The following GRID2 variants were observed in gnomAD, a reference collection of about 807,000 sequenced individuals.
GRID2 encodes the protein glutamate receptor ionotropic, delta-2.
GRID2 carries 33 observed loss-of-function variants against 114.8 expected under a neutral mutation model. That is an observed-to-expected ratio of 0.29 (90% CI 0.22 to 0.38). The LOEUF (loss-of-function observed/expected upper bound fraction) is 0.38, where lower values mean the gene tolerates loss of function less well. Ranked by LOEUF, GRID2 falls within the 10% of genes least tolerant of loss-of-function variation. GRID2 has a pLI of 1.00. For synonymous variants in GRID2, 505 were observed against 449.9 expected (o/e 1.12, Z -1.55); for missense variants, 1,184 against 1,257.7 (o/e 0.94, Z 0.89).
At chr4:92,954,413 GTTTTATTTTA>G (rs199836628) in intron 2 of GRID2, among the ~76,000 whole-genome samples, 490 of 151,164 alleles carry the variant, frequency 3.2e-3, no homozygotes, top group Admixed American at 5.8e-3. Flanking sequence ...TGTTTCTGCA[GTTTTATTTTA>G]TTTTATTTTA....
intron 2 of GRID2, among the ~76,000 whole-genome samples, chr4:93,038,290 A>G (rs1041059272): frequency 5.3e-5 from 8 of 152,102 alleles, no homozygotes; most frequent in Admixed American, 5.2e-4. Context: ...AATGCATGTG[A>G]TTTTTGCACA....
intron 2 of GRID2, among the ~76,000 whole-genome samples, chr4:92,675,230 C>G (rs1733285997): frequency 6.6e-6 from 1 of 152,124 alleles, no homozygotes; most frequent in Non-Finnish European, 1.5e-5. Flanking sequence ...AGATTCCTGA[C>G]TCAGGTTAAT....
chr4:92,549,007 T>C (rs1429673413), intron 1 of GRID2, among the ~76,000 whole-genome samples: 3 of 151,760 alleles, frequency 2.0e-5, no homozygotes, highest in Admixed American at 2.0e-4. Context: ...GGGATTACAA[T>C]TGAAAATGAG....
At chr4:92,573,249 T>G in intron 1 of GRID2, among the ~76,000 whole-genome samples, 1 of 149,754 alleles carries the variant, frequency 6.7e-6, no homozygotes, top group Non-Finnish European at 1.5e-5. Context: ...GTCTATTTTA[T>G]TTTTTTCAAA....
intron 2 of GRID2, among the ~76,000 whole-genome samples, chr4:92,757,627 A>T (rs950777722): frequency 6.6e-6 from 1 of 152,052 alleles, no homozygotes; most frequent in African/African-American, 2.4e-5. Flanking sequence ...ATCATCTATG[A>T]AAAGAGTATG....
chr4:93,535,471 G>A lies in GRID2; in HGVS notation c.2193+20060G>A, dbSNP rs78231655. Among the ~76,000 whole-genome samples, 723 of 152,014 alleles carry A rather than the reference G, an allele frequency of 4.8e-3. 7 individuals carry two copies. The highest frequency in any genetic ancestry group is 7.3e-3 in the Non-Finnish European group (494 of 67,862). ...ATTTTTAATTTTTCATGGAAGCTCCGTACTTTTTCCCATAATGGCTGTAAA... is the reference window on the plus strand; with the variant it reads ...ATTTTTAATTTTTCATGGAAGCTCCATACTTTTTCCCATAATGGCTGTAAA... On this transcript the variant is annotated intron_variant, in intron 13 of 15. Coordinates refer to ENST00000282020, the MANE Select transcript of GRID2 (RefSeq NM_001510.4).
Position 93,773,323 on chromosome 4 carries a change from A to G in GRID2, c.*825A>G, listed in dbSNP as rs922734516. The G allele has an allele frequency of 1.3e-5, 2 of 152,152 alleles. No individual in the cohort carries two copies. The highest frequency in any genetic ancestry group is 4.8e-5 in the African/African-American group (2 of 41,448). 9.4% of individuals were successfully genotyped at this position (152,152 alleles called of 1,614,324 possible). The stretch of plus-strand genomic sequence containing the variant: ...ATAAAGCTTTAGTTTAAACAAAAGT[A>G]TTGTATACAGGAACTATGTATAGTG... On this transcript the variant is annotated 3_prime_UTR_variant, in exon 16 of 16. Transcript: ENST00000282020.
intron 2 of GRID2, among the ~76,000 whole-genome samples, chr4:92,841,156 A>T (rs76038300): frequency 6.6e-6 from 1 of 152,068 alleles, no homozygotes; most frequent in Non-Finnish European, 1.5e-5. Context: ...CTTTCACCAC[A>T]TAATAGAACA....
chr4:93,599,411 A>G (rs565255955), intron 13 of GRID2, among the ~76,000 whole-genome samples: 131 of 152,348 alleles, frequency 8.6e-4, no homozygotes, highest in African/African-American at 2.8e-3. Context: ...AATTGTAGGC[A>G]TTTCTTTAAG....
chr4:92,692,630 A>G (rs1734231352), intron 2 of GRID2, among the ~76,000 whole-genome samples: 1 of 152,184 alleles, frequency 6.6e-6, no homozygotes, highest in Admixed American at 6.5e-5. Context: ...ATGCTTTGAT[A>G]TTGTAATGTT....
chr4:93,036,469 TA>T (rs1217923741), intron 2 of GRID2, among the ~76,000 whole-genome samples: 1 of 152,180 alleles, frequency 6.6e-6, no homozygotes, highest in African/African-American at 2.4e-5. Context: ...ACAAATACTC[TA>T]GGAAAATTAA....
intron 14 of GRID2, among the ~76,000 whole-genome samples, chr4:93,766,458 T>G (rs1002746354): frequency 1.2e-4 from 18 of 152,286 alleles, no homozygotes; most frequent in Admixed American, 3.9e-4. Flanking sequence ...CATGATTCAA[T>G]TATCTCCACC....
intron 8 of GRID2, among the ~76,000 whole-genome samples, chr4:93,387,384 C>T (rs532308469): frequency 6.6e-6 from 1 of 152,014 alleles, no homozygotes; most frequent in Non-Finnish European, 1.5e-5. Flanking sequence ...GTTCCTTGGT[C>T]TTTACTATAC....
intron 1 of GRID2, among the ~76,000 whole-genome samples, chr4:92,387,313 T>G (rs1730009651): frequency 6.6e-6 from 1 of 151,976 alleles, no homozygotes; most frequent in African/African-American, 2.4e-5. Context: ...ATGACTGAAT[T>G]ATTTCACATA....
intron 1 of GRID2, among the ~76,000 whole-genome samples, chr4:92,452,370 T>G (rs945707923): frequency 6.6e-6 from 1 of 150,886 alleles, no homozygotes; most frequent in Non-Finnish European, 1.5e-5. Flanking sequence ...CAGGCTGGAG[T>G]GCAGTGGCAC....
chr4:92,682,175 A>G (rs79243264), intron 2 of GRID2, among the ~76,000 whole-genome samples: 317 of 152,274 alleles, frequency 2.1e-3, no homozygotes, highest in African/African-American at 7.2e-3. Context: ...CTTCAACATG[A>G]ATCTTGTTAA....
chr4:92,834,762 A>AT (rs753900037), intron 2 of GRID2, among the ~76,000 whole-genome samples: 3 of 152,096 alleles, frequency 2.0e-5, no homozygotes, highest in African/African-American at 7.2e-5. Context: ...TGGACACTGC[A>AT]TTTTTATCCT....
intron 1 of GRID2, among the ~76,000 whole-genome samples, chr4:92,570,001 A>C (rs1727531404): frequency 6.6e-6 from 1 of 151,726 alleles, no homozygotes; most frequent in African/African-American, 2.4e-5. Context: ...TTGTTGCATA[A>C]CTTTTGATGT....
At chr4:92,584,013 C>T (rs1452958230) in intron 1 of GRID2, among the ~76,000 whole-genome samples, 1 of 151,228 alleles carries the variant, frequency 6.6e-6, no homozygotes, top group Non-Finnish European at 1.5e-5. Context: ...AGTGAAGATG[C>T]TTATTGGTGT....
Sources: allele counts gnomAD v4.1 joint callset (sites outside exome capture counted in the v4.1 genomes callset), GRCh38; gene constraint gnomAD v4.1.1; transcripts MANE v1.5; gene names NCBI Gene and HGNC (gene_info 2026-07-23, HGNC 2026-07-21).